The following MRPS6 variants were observed in gnomAD, a reference collection of about 807,000 sequenced individuals.
MRPS6 encodes the protein mitochondrial ribosomal protein S6.
In MRPS6, 6 loss-of-function variants were observed where a neutral mutation model predicts 13.1. The ratio of observed to expected loss-of-function variants is 0.46; its 90% CI spans 0.25 to 0.91. MRPS6 has a LOEUF of 0.91. Ranked by LOEUF, MRPS6 falls within the 40% of genes least tolerant of loss-of-function variation. The probability of loss-of-function intolerance (pLI) is 0.18; values close to 1 mark genes in which losing one functional copy is unlikely to be tolerated. For synonymous variants in MRPS6, 61 were observed against 56.5 expected (o/e 1.08, Z -0.36); for missense variants, 164 against 155.6 (o/e 1.05, Z -0.29).
At chr21:34,141,046 C>T (rs145165656) in intron 2 of MRPS6, among the ~76,000 whole-genome samples, 4 of 152,274 alleles carry the variant, frequency 2.6e-5, no homozygotes, top group African/African-American at 7.2e-5. Flanking sequence ...AAATGCCATC[C>T]CTTTTCTCAT....
intron 1 of MRPS6, chr21:34,100,854 C>G: frequency 1.0e-6 from 1 of 1,000,120 alleles, no homozygotes. Flanking sequence ...TCTTTACCAC[C>G]AAATAAAGCG....
rs9980168 is a variant in MRPS6 at position 34,125,509 on chromosome 21, C to T, written c.185+29C>T. ...AGTTTCTTCATGAAGTCTTGAAAGA[C>T]GTTTTTGATAGGCTCAGTAAAGAGT... On this transcript the variant is annotated intron_variant, in intron 2 of 2. Transcript: ENST00000399312. 6,310 of 1,610,652 alleles carry T rather than the reference C, an allele frequency of 3.9e-3. 240 individuals are homozygous for T. In the African/African-American group the frequency reaches 0.074, roughly 19 times the overall value.
At chr21:34,089,991 T>A (rs749705945) in intron 1 of MRPS6, among the ~76,000 whole-genome samples, 4 of 152,206 alleles carry the variant, frequency 2.6e-5, no homozygotes, top group Admixed American at 6.5e-5. Context: ...GCATATTACT[T>A]GGTGGCTGAG....
intron 2 of MRPS6, among the ~76,000 whole-genome samples, chr21:34,134,489 T>C (rs148547747): frequency 1.8e-3 from 281 of 152,334 alleles, no homozygotes; most frequent in African/African-American, 6.5e-3. Context: ...CATTTTAAAA[T>C]CATCAGCTTT....
At chr21:34,117,956 A>G (rs1204474157) in intron 1 of MRPS6, among the ~76,000 whole-genome samples, 2 of 152,184 alleles carry the variant, frequency 1.3e-5, no homozygotes, top group African/African-American at 4.8e-5. Flanking sequence ...ATATTAACTT[A>G]AGCAATTCTT....
intron 1 of MRPS6, among the ~76,000 whole-genome samples, chr21:34,078,798 CAT>C (rs774127173): frequency 6.6e-6 from 1 of 152,122 alleles, no homozygotes; most frequent in Non-Finnish European, 1.5e-5. Flanking sequence ...TGTGATTACT[CAT>C]GTTATAAAAA....
chr21:34,096,927 G>A lies in MRPS6; in HGVS notation c.45+23182G>A. ...AGAAAAGAGCATTCTGAGATGCAGT[G>A]AGAATAATGAGACCATCAACCACAT... On this transcript the variant is annotated intron_variant, in intron 1 of 2. Transcript: ENST00000399312. This position sits in a 1 kb window ranked among gnomAD's most constrained non-coding sequence, Gnocchi z 5.9. 2 of 1,614,122 alleles carry A rather than the reference G, an allele frequency of 1.2e-6. No individual in the cohort carries two copies. Among genetic ancestry groups the A allele is most frequent in the Middle Eastern group, 1.7e-4 (1 of 6,060 alleles).
intron 2 of MRPS6, chr21:34,135,769 TTGA>T (rs1980676000): frequency 6.2e-6 from 3 of 485,568 alleles, no homozygotes; most frequent in Non-Finnish European, 4.1e-6. Flanking sequence ...GAAGGCATAC[TTGA>T]TGATGCGCAC....
chr21:34,120,141 C>T (rs1980069352), intron 1 of MRPS6, among the ~76,000 whole-genome samples: 1 of 152,156 alleles, frequency 6.6e-6, no homozygotes, highest in Non-Finnish European at 1.5e-5. Context: ...TATGCAGTTG[C>T]AGTTTTCAAA....
chr21:34,080,837 A>G (rs576097604), intron 1 of MRPS6, among the ~76,000 whole-genome samples: 2 of 152,340 alleles, frequency 1.3e-5, no homozygotes, highest in South Asian at 2.1e-4. Flanking sequence ...GTTATTTGCT[A>G]TGATACAGCG....
intron 2 of MRPS6, among the ~76,000 whole-genome samples, chr21:34,133,376 G>A (rs1980572574): frequency 6.6e-6 from 1 of 152,178 alleles, no homozygotes; most frequent in Admixed American, 6.5e-5. Flanking sequence ...ATTGATTAGT[G>A]GGCAGTTGAG....
At chr21:34,082,532 AT>A (rs138165273) in intron 1 of MRPS6, among the ~76,000 whole-genome samples, 2 of 151,314 alleles carry the variant, frequency 1.3e-5, no homozygotes, top group Admixed American at 6.6e-5. Context: ...CCTAGAAAAT[AT>A]TTTTTTTTGC....
At chr21:34,075,150 C>T (rs962015877) in intron 1 of MRPS6, among the ~76,000 whole-genome samples, 2 of 152,206 alleles carry the variant, frequency 1.3e-5, no homozygotes, top group African/African-American at 4.8e-5. Context: ...GTTGTTTAAG[C>T]CCTCCCTTCA....
At chr21:34,091,560 T>C (rs1978695271) in intron 1 of MRPS6, among the ~76,000 whole-genome samples, 1 of 152,188 alleles carries the variant, frequency 6.6e-6, no homozygotes, top group African/African-American at 2.4e-5. Context: ...TACCTTTTTT[T>C]CTCTTTCTAT....
At chr21:34,089,454 A>C (rs1279938935) in intron 1 of MRPS6, among the ~76,000 whole-genome samples, 1 of 151,936 alleles carries the variant, frequency 6.6e-6, no homozygotes, top group Non-Finnish European at 1.5e-5. Context: ...TGACTGCCAT[A>C]TCTACAAGGT....
At chr21:34,138,555 A>T (rs1300940086) in intron 2 of MRPS6, among the ~76,000 whole-genome samples, 2 of 152,038 alleles carry the variant, frequency 1.3e-5, no homozygotes, top group South Asian at 4.2e-4. Context: ...TCAAAAGAAG[A>T]CATTTATGCA....
Position 34,096,842 on chromosome 21 carries a change from TAAG to T in MRPS6, c.45+23103_45+23105del. ...AGATTCGAACCACCACCTTTTGGTC[TAAG>T]AAGAACCTGGTGGTGAAGGAGAACT... On this transcript the variant is annotated intron_variant, in intron 1 of 2. Coordinates refer to ENST00000399312, the MANE Select transcript of MRPS6 (RefSeq NM_032476.4). This position sits in a 1 kb window ranked among gnomAD's most constrained non-coding sequence, Gnocchi z 5.9. The T allele has an allele frequency of 6.2e-7, 1 of 1,614,018 alleles. No homozygotes were observed. Among genetic ancestry groups the T allele is most frequent in the Non-Finnish European group, 8.5e-7 (1 of 1,179,972 alleles).
At chr21:34,093,744 G>C (rs1386195823) in intron 1 of MRPS6, among the ~76,000 whole-genome samples, 5 of 152,130 alleles carry the variant, frequency 3.3e-5, no homozygotes, top group Non-Finnish European at 7.4e-5. Context: ...TTTAGTATTT[G>C]TCTCTTTTTC....
At chr21:34,110,619 T>C (rs1979658273) in intron 1 of MRPS6, among the ~76,000 whole-genome samples, 1 of 152,256 alleles carries the variant, frequency 6.6e-6, no homozygotes, top group Non-Finnish European at 1.5e-5. Context: ...TAAACAGTTA[T>C]TTGTGGTAGT....
Sources: gnomAD v4.1 joint callset for allele counts (sites outside exome capture counted in the v4.1 genomes callset) on GRCh38, gnomAD v4.1.1 for gene constraint, Gnocchi (gnomAD v3.1) non-coding constraint, MANE v1.5 for transcripts, NCBI Gene and HGNC (gene_info 2026-07-23, HGNC 2026-07-21) for gene names.